Variants in ZNF207 observed in about 807,000 individuals in gnomAD.
ZNF207 encodes the protein zinc finger protein 207.
A neutral mutation model predicts 60.2 loss-of-function variants in ZNF207; 24 were observed. The observed-to-expected ratio is 0.40, with a 90% CI of 0.29 to 0.56. ZNF207 has a LOEUF of 0.56. ZNF207 is among the 20% of genes least tolerant of loss of function. The pLI is 0.49. For missense variants in ZNF207, 452 were observed against 636.6 expected (o/e 0.71, Z 3.12); for synonymous variants, 236 against 194.7 (o/e 1.21, Z -1.77).
At position 32,369,389 on chromosome 17, in the gene ZNF207, G is replaced by A; in HGVS notation, c.1259G>A (p.Gly420Asp). 3.1e-6 allele frequency: 5 copies of A among 1,614,150 alleles called. No homozygotes were observed. Among genetic ancestry groups the A allele is most frequent in the Non-Finnish European group, 4.2e-6 (5 of 1,180,036 alleles). The change falls in exon 11 of 12, where the codon GGT (glycine) becomes GAT (aspartate). Residue 420 changes from glycine (G) to aspartate (D), a missense_variant. Gly to Asp is a moderately conservative substitution (Grantham distance 94). This residue lies in a region of ZNF207 where 390 missense variants were observed against 461.4 expected (regional missense o/e 0.85). Coordinates refer to ENST00000394670, the MANE Select transcript of ZNF207 (RefSeq NM_001098507.2). ...IGNPPVGPIGGMMPPQPGIPQ... is the reference protein window; with the variant it reads ...IGNPPVGPIGDMMPPQPGIPQ... ...AATCCACCAGTTGGACCAATTGGAG[G>A]TATGATGCCACCACAGCCAGGCATC... is the stretch of plus-strand genomic sequence containing the variant.
chr17:32,350,904 C>T (rs1220164445), intron 1 of ZNF207: 4 of 150,316 alleles, frequency 2.7e-5, no homozygotes, highest in South Asian at 4.2e-4. Context: ...CCCAGAGGCG[C>T]CTTAATCTTC....
At chr17:32,353,547 C>T (rs1472604277) in intron 2 of ZNF207, among the ~76,000 whole-genome samples, 1 of 151,822 alleles carries the variant, frequency 6.6e-6, no homozygotes, top group Non-Finnish European at 1.5e-5. Context: ...TTTGGGAGGC[C>T]GAGGCTGGTG....
chr17:32,354,531 A>G (rs756093082), intron 2 of ZNF207, among the ~76,000 whole-genome samples: 3 of 148,734 alleles, frequency 2.0e-5, no homozygotes, highest in Non-Finnish European at 3.0e-5. Flanking sequence ...GTGGTCTTGA[A>G]CTCCTGGCCT....
In ZNF207 at chr17:32,370,014, A is replaced by G; in HGVS notation, c.*255A>G. ...GTTTCATCTAGGTTTTTAGAAGTGAAGTATAGTAAATTTGGTTCGTTAAAT... is the reference window on the plus strand; with the variant it reads ...GTTTCATCTAGGTTTTTAGAAGTGAGGTATAGTAAATTTGGTTCGTTAAAT... On this transcript the variant is annotated 3_prime_UTR_variant, in exon 12 of 12. Coordinates refer to ENST00000394670, the MANE Select transcript of ZNF207 (RefSeq NM_001098507.2). The G allele has an allele frequency of 3.0e-6, 1 of 330,882 alleles. No homozygotes were observed. The highest frequency in any genetic ancestry group is 8.5e-4 in the Middle Eastern group (1 of 1,172). 20.5% of individuals were successfully genotyped at this position (330,882 alleles called of 1,614,324 possible). A position where few individuals can be genotyped will look rare whatever the true frequency, so the allele number is the denominator to read the frequency against.
chr17:32,360,555 T>C (rs1302414349), intron 3 of ZNF207, 43 bp from the exon 4 acceptor site: 9 of 1,527,998 alleles, frequency 5.9e-6, no homozygotes, highest in East Asian at 4.7e-5. Flanking sequence ...AAATAAACTT[T>C]CTTAGTTTTT....
intron 10 of ZNF207, 72 bp downstream of exon 10, chr17:32,368,086 A>T: frequency 1.3e-6 from 2 of 1,580,852 alleles, no homozygotes. Flanking sequence ...CCTTTAAAAT[A>T]AGTGTTCATT....
At chr17:32,353,860 T>TA (rs1456810113) in intron 2 of ZNF207, among the ~76,000 whole-genome samples, 1 of 151,980 alleles carries the variant, frequency 6.6e-6, no homozygotes, top group East Asian at 1.9e-4. Flanking sequence ...TACTACATGT[T>TA]AGACTCACAG....
chr17:32,355,428 G>A (rs1489772491), intron 2 of ZNF207, among the ~76,000 whole-genome samples: 2 of 152,200 alleles, frequency 1.3e-5, no homozygotes, highest in African/African-American at 4.8e-5. Flanking sequence ...GATGTGAAAA[G>A]CTACAGGGAT....
intron 9 of ZNF207, among the ~76,000 whole-genome samples, chr17:32,367,454 C>G (rs1423282603): frequency 6.6e-6 from 1 of 150,842 alleles, no homozygotes; most frequent in African/African-American, 2.4e-5. Flanking sequence ...TTCTAAGATA[C>G]TGTATTTCAG....
At chr17:32,350,481 C>T (rs975132640) in intron 1 of ZNF207, 155 bp downstream of exon 1, 7 of 941,046 alleles carry the variant, frequency 7.4e-6, no homozygotes, top group Admixed American at 7.0e-5. Flanking sequence ...GGGAAGGCTT[C>T]TAGGAAAATG....
chr17:32,377,573 A>G lies in ZNF207; in HGVS notation c.*7814A>G, dbSNP rs1905719890. Reference sequence around the variant, plus strand: ...AAAAGTTGAATTAAAAACTTTTAAAAATTGCTTGTCTTTGGGGGTATGTCT... The same window carrying G: ...AAAAGTTGAATTAAAAACTTTTAAAGATTGCTTGTCTTTGGGGGTATGTCT... On this transcript the variant is annotated 3_prime_UTR_variant, in exon 12 of 12. Coordinates refer to ENST00000394670, the MANE Select transcript of ZNF207 (RefSeq NM_001098507.2). 6.6e-6 allele frequency: 1 copy of G among 152,032 alleles called. No individual in the cohort carries two copies. The highest frequency in any genetic ancestry group is 1.9e-4 in the East Asian group (1 of 5,202). The allele number at this position is 152,032 out of a possible 1,614,324, so 9.4% of individuals were successfully genotyped here. A position where few individuals can be genotyped will look rare whatever the true frequency, so the allele number is the denominator to read the frequency against.
Position 32,380,972 on chromosome 17 carries a change from AAAAG to A in ZNF207, c.*11217_*11220del, listed in dbSNP as rs1383271842. Reference sequence around the variant, plus strand: ...ACTCCGTCTCAAAAAAAAAAAGAAAAAAAGAAAAAGTGATAAGATTTGGGAGTCT... The same window carrying A: ...ACTCCGTCTCAAAAAAAAAAAGAAAAAAAAAGTGATAAGATTTGGGAGTCT... On this transcript the variant is annotated 3_prime_UTR_variant, in exon 12 of 12. Coordinates refer to ENST00000394670, the MANE Select transcript of ZNF207 (RefSeq NM_001098507.2). The A allele has an allele frequency of 2.0e-5, 3 of 146,472 alleles. No individual in the cohort carries two copies. Among genetic ancestry groups the A allele is most frequent in the Non-Finnish European group, 4.6e-5 (3 of 64,932 alleles). The allele number at this position is 146,472 out of a possible 1,614,324, so 9.1% of individuals were successfully genotyped here.
intron 2 of ZNF207, among the ~76,000 whole-genome samples, chr17:32,357,351 A>ATTATTATTTT (rs1363194053): frequency 2.7e-5 from 2 of 74,028 alleles, no homozygotes; most frequent in African/African-American, 1.1e-4. Flanking sequence ...TATTATTATT[A>ATTATTATTTT]TTTTTTTTTT....
chr17:32,360,315 T>C (rs532424582), intron 3 of ZNF207, among the ~76,000 whole-genome samples: 1 of 152,108 alleles, frequency 6.6e-6, no homozygotes, highest in East Asian at 1.9e-4. Flanking sequence ...GTGCCACTGC[T>C]GTACAGCCTG....
At position 32,363,000 on chromosome 17, in the gene ZNF207, T is replaced by TAAAGCC; in HGVS notation, c.670+16_670+17insAAAGCC. 2 of 1,609,888 alleles carry TAAAGCC rather than the reference T, an allele frequency of 1.2e-6. No homozygotes were observed. Among genetic ancestry groups the TAAAGCC allele is most frequent in the Non-Finnish European group, 1.7e-6 (2 of 1,177,562 alleles). On this transcript the variant is annotated intron_variant, in intron 7 of 11. Transcript: ENST00000394670. The stretch of plus-strand genomic sequence containing the variant: ...ATGCCACCAGGTATATGTTAGATAA[T>TAAAGCC]TTCATTTTAATATGATGTACAGGCT...
Position 32,375,969 on chromosome 17 carries a change from A to G in ZNF207, c.*6210A>G, listed in dbSNP as rs1905661384. 6.6e-6 allele frequency: 1 copy of G among 151,982 alleles called. No individual in the cohort carries two copies. Among genetic ancestry groups the G allele is most frequent in the Non-Finnish European group, 1.5e-5 (1 of 67,886 alleles). 9.4% of individuals were successfully genotyped at this position (151,982 alleles called of 1,614,324 possible). On this transcript the variant is annotated 3_prime_UTR_variant, in exon 12 of 12. Coordinates refer to ENST00000394670, the MANE Select transcript of ZNF207 (RefSeq NM_001098507.2). ...TTAGAAACCCTTTCTCAGTATTTTA[A>G]TTTCTGTCATTGAATCATTTAAATA...
At position 32,373,079 on chromosome 17, in the gene ZNF207, T is replaced by A. The variant is rs1290177980; in HGVS notation, c.*3320T>A. ...TGAGTGGCTGCTGGAATTACTTGAT[T>A]TGAATACTTAGTATTTTAGTAGTGT... On this transcript the variant is annotated 3_prime_UTR_variant, in exon 12 of 12. Coordinates refer to ENST00000394670, the MANE Select transcript of ZNF207 (RefSeq NM_001098507.2). 9.3e-6 allele frequency: 2 copies of A among 213,984 alleles called. No individual in the cohort carries two copies. Among genetic ancestry groups the A allele is most frequent in the Non-Finnish European group, 1.8e-5 (2 of 109,348 alleles). The allele number at this position is 213,984 out of a possible 1,614,324, so 13.3% of individuals were successfully genotyped here. A position where few individuals can be genotyped will look rare whatever the true frequency, so the allele number is the denominator to read the frequency against.
intron 11 of ZNF207, 63 bp from the exon 12 acceptor site, chr17:32,369,536 T>C: frequency 4.4e-6 from 7 of 1,591,984 alleles, no homozygotes; most frequent in Non-Finnish European, 6.0e-6. Context: ...GCAGCATACG[T>C]TGCACTTAAA....
chr17:32,361,056 C>A, intron 5 of ZNF207, 89 bp downstream of exon 5: 1 of 1,406,114 alleles, frequency 7.1e-7, no homozygotes, highest in Non-Finnish European at 9.8e-7. Context: ...ATGTTACTTT[C>A]CATTTTTTGC....
Sources: gnomAD v4.1 joint callset for allele counts (sites outside exome capture counted in the v4.1 genomes callset) on GRCh38, gnomAD v4.1.1 for gene constraint, gnomAD v4.1.1 regional missense constraint, MANE v1.5 for transcripts, NCBI Gene and HGNC (gene_info 2026-07-23, HGNC 2026-07-21) for gene names.